PLCD4: variants seen among roughly 807,000 people sequenced by gnomAD.
PLCD4 encodes 1-phosphatidylinositol 4,5-bisphosphate phosphodiesterase delta-4.
In PLCD4, 63 loss-of-function variants were observed where a neutral mutation model predicts 90.2. That is an observed-to-expected ratio of 0.70 (90% confidence interval 0.57 to 0.86). PLCD4 has a LOEUF of 0.86. PLCD4 is among the 40% of genes least tolerant of loss of function. The pLI, the probability that PLCD4 is intolerant of heterozygous loss-of-function variation, is 0.00. For missense variants in PLCD4, 830 were observed against 956.3 expected (o/e 0.87, Z 1.74); for synonymous variants, 294 against 356.5 (o/e 0.82, Z 1.97).
Position 218,635,776 on chromosome 2 carries a change from T to G in PLCD4, c.1897-20T>G. Reference sequence around the variant, plus strand: ...CTGGGCTGAGCAGGAACTTGTGAGATTCCAGAGCCCTGACTACAGGTGATC... The same window carrying G: ...CTGGGCTGAGCAGGAACTTGTGAGAGTCCAGAGCCCTGACTACAGGTGATC... On this transcript the variant is annotated intron_variant, in intron 13 of 15. Transcript: ENST00000450993. 6.2e-7 allele frequency: 1 copy of G among 1,607,856 alleles called. No homozygotes were observed. Among genetic ancestry groups the G allele is most frequent in the Non-Finnish European group, 8.5e-7 (1 of 1,177,178 alleles).
At chr2:218,615,098 C>T (rs1362290505) in intron 1 of PLCD4, among the ~76,000 whole-genome samples, 1 of 152,018 alleles carries the variant, frequency 6.6e-6, no homozygotes, top group Non-Finnish European at 1.5e-5. Context: ...TGTGGTGGCA[C>T]ATGCCTGTAG....
chr2:218,631,791 CAAAA>C (rs34357387), intron 9 of PLCD4, among the ~76,000 whole-genome samples: 1 of 68,832 alleles, frequency 1.5e-5, no homozygotes. Context: ...GACTCCGTCT[CAAAA>C]AAAAAAAAAA....
chr2:218,632,834 C>A (rs1696457976), intron 10 of PLCD4, among the ~76,000 whole-genome samples: 1 of 152,072 alleles, frequency 6.6e-6, no homozygotes, highest in Admixed American at 6.5e-5. Flanking sequence ...GCCAGAGGAG[C>A]AGGAAGGAGA....
At chr2:218,612,726 GGTGCCATT>G (rs1413990729) in intron 1 of PLCD4, among the ~76,000 whole-genome samples, 2 of 151,978 alleles carry the variant, frequency 1.3e-5, no homozygotes, top group Non-Finnish European at 2.9e-5. Context: ...GAGCTGAGAT[GGTGCCATT>G]GCACTCCAGC....
intron 6 of PLCD4, among the ~76,000 whole-genome samples, chr2:218,626,947 T>G (rs1415102251): frequency 1.3e-5 from 2 of 152,176 alleles, no homozygotes; most frequent in Non-Finnish European, 2.9e-5. Context: ...GAGCTCCATT[T>G]GGCTATTTAA....
Position 218,636,513 on chromosome 2 carries a change from T to C in PLCD4, c.2225T>C (p.Leu742Pro). The change falls in exon 16 of 16, where the codon CTC becomes CCC. Residue 742 changes from leucine to proline, a missense_variant. Transcript: ENST00000450993. ...CTGCTGTCCAAAGATGGCATCAGCC[T>C]CCGCCCAGCTTCCATCTTTGTGTAT... Reference protein sequence around the residue: ...IHLLSKDGISLRPASIFVYIC... With the variant: ...IHLLSKDGISPRPASIFVYIC... The C allele has an allele frequency of 6.2e-7, 1 of 1,613,980 alleles. No individual in the cohort carries two copies. The highest frequency in any genetic ancestry group is 1.1e-5 in the South Asian group (1 of 91,074).
intron 7 of PLCD4, chr2:218,628,913 A>G (rs1454910381): frequency 6.5e-6 from 1 of 154,034 alleles, no homozygotes. Context: ...GATGTTGTAT[A>G]GGGATATAAA....
chr2:218,634,409 G>A lies in PLCD4; in HGVS notation c.1724-49G>A. Reference sequence around the variant, plus strand: ...TCTTAACTCCCTGAAAGAGGGGCTGGAAGGCCTCCATGGTGAATCTTGCTC... The same window carrying A: ...TCTTAACTCCCTGAAAGAGGGGCTGAAAGGCCTCCATGGTGAATCTTGCTC... On this transcript the variant is annotated intron_variant, in intron 12 of 15. Transcript: ENST00000450993. This position sits in a 1 kb window ranked among gnomAD's most constrained non-coding sequence, Gnocchi z 4.0. 6.3e-7 allele frequency: 1 copy of A among 1,589,754 alleles called. No homozygotes were observed. The highest frequency in any genetic ancestry group is 8.6e-7 in the Non-Finnish European group (1 of 1,167,270).
intron 7 of PLCD4, 175 bp from the exon 8 acceptor site, chr2:218,629,344 G>A (rs1221065686): frequency 8.8e-6 from 6 of 677,966 alleles, no homozygotes; most frequent in East Asian, 5.5e-5. Context: ...AGAGATCAGC[G>A]TGAGCTTGCA....
chr2:218,616,223 T>C (rs554904775), intron 3 of PLCD4, among the ~76,000 whole-genome samples, 161 bp downstream of exon 3: 9 of 152,232 alleles, frequency 5.9e-5, no homozygotes, highest in Admixed American at 1.3e-4. Context: ...ACTTGCCTCA[T>C]AAGGCTGTTA....
At chr2:218,614,951 G>A (rs974370985) in intron 1 of PLCD4, among the ~76,000 whole-genome samples, 4 of 152,020 alleles carry the variant, frequency 2.6e-5, no homozygotes, top group African/African-American at 4.8e-5. Context: ...AAGTCTGGCC[G>A]GGTGCAGTGG....
Position 218,634,599 on chromosome 2 carries a change from G to A in PLCD4, c.1865G>A (p.Ser622Asn). The A allele has an allele frequency of 6.2e-7, 1 of 1,614,020 alleles. No individual in the cohort carries two copies. The highest frequency in any genetic ancestry group is 8.5e-7 in the Non-Finnish European group (1 of 1,179,892). ...QSSFHPEKPI[S>N]PFKAQTLLIQ... ...TCTTTCCACCCTGAGAAGCCCATCA[G>A]CCCTTTCAAAGCCCAGACTCTCTTA... is the stretch of plus-strand genomic sequence containing the variant. Residue 622 changes from serine to asparagine, a missense_variant, in exon 13 of 16, where the codon AGC (serine) becomes AAC (asparagine). Ser to Asn is a conservative substitution (Grantham distance 46). Transcript: ENST00000450993. This position sits in a 1 kb window ranked among gnomAD's most constrained non-coding sequence, Gnocchi z 4.0.
chr2:218,634,588 G>GA lies in PLCD4; in HGVS notation c.1856dup (p.Pro620AlafsTer61). ...ATATCCAGAGTTCTTTCCACCCTGAGAAGCCCATCAGCCCTTTCAAAGCCC... is the reference window on the plus strand; with the variant it reads ...ATATCCAGAGTTCTTTCCACCCTGAGAAAGCCCATCAGCCCTTTCAAAGCCC... On this transcript the variant is annotated frameshift_variant, in exon 13 of 16. Transcript: ENST00000450993. LOFTEE classifies it high-confidence loss of function. This position sits in a 1 kb window ranked among gnomAD's most constrained non-coding sequence, Gnocchi z 4.0. 1 of 1,614,062 alleles carries GA rather than the reference G, an allele frequency of 6.2e-7. No homozygotes were observed. The highest frequency in any genetic ancestry group is 8.5e-7 in the Non-Finnish European group (1 of 1,179,916).
intron 1 of PLCD4, among the ~76,000 whole-genome samples, chr2:218,608,722 ATAT>A (rs1695198260): frequency 6.6e-6 from 1 of 152,036 alleles, no homozygotes; most frequent in African/African-American, 2.4e-5. Context: ...AAAAATAAAT[ATAT>A]TATTGAGCCC....
chr2:218,635,675 T>C, intron 13 of PLCD4, 121 bp from the exon 14 acceptor site: 1 of 1,341,410 alleles, frequency 7.5e-7, no homozygotes, highest in Non-Finnish European at 1.0e-6. Flanking sequence ...TAGAAGAAAA[T>C]ATATTACCCA....
chr2:218,608,661 C>T (rs1002984001), intron 1 of PLCD4, among the ~76,000 whole-genome samples: 2 of 152,110 alleles, frequency 1.3e-5, no homozygotes, highest in Admixed American at 1.3e-4. Flanking sequence ...ATCTGTGATA[C>T]GAGAGAGTTT....
Position 218,626,976 on chromosome 2 carries a change from G to A in PLCD4, c.773-1053G>A, listed in dbSNP as rs191361642. On this transcript the variant is annotated intron_variant, in intron 6 of 15. Transcript: ENST00000450993. The stretch of plus-strand genomic sequence containing the variant: ...TATTTAAAATTAAATTAACTAGGTC[G>A]GGCACGGTGGCTCACGCCTGTAATC... 3.3e-5 allele frequency among the ~76,000 whole-genome samples: 5 copies of A among 152,226 alleles called. No homozygotes were observed. The East Asian group carries it at 7.7e-4, about 24-fold the overall frequency.
rs1400263304 is a variant in PLCD4, at chr2:218,617,066, G to A, written c.181+1004G>A. ...TGCAAGCTCCGCCTTCCGGGTTCAC[G>A]CCATTCTCTTGCCTCAGCCTTCTGA... On this transcript the variant is annotated intron_variant, in intron 3 of 15. Transcript: ENST00000450993. Among the ~76,000 whole-genome samples, 4 of 139,748 alleles carry A rather than the reference G, an allele frequency of 2.9e-5. No homozygotes were observed. In the South Asian group the frequency reaches 6.9e-4, roughly 24 times the overall value. The allele number at this position is 139,748 out of a possible 152,430, so 91.7% of individuals were successfully genotyped here. A position where few individuals can be genotyped will look rare whatever the true frequency, so the allele number is the denominator to read the frequency against.
intron 13 of PLCD4, among the ~76,000 whole-genome samples, chr2:218,635,071 T>A (rs1480267907): frequency 1.3e-5 from 2 of 152,008 alleles, no homozygotes; most frequent in African/African-American, 4.8e-5. Context: ...ACAAAAAATT[T>A]AAAAATTTTG....
Sources: gnomAD v4.1 joint callset for allele counts (sites outside exome capture counted in the v4.1 genomes callset) on GRCh38, gnomAD v4.1.1 for gene constraint, Gnocchi (gnomAD v3.1) non-coding constraint, MANE v1.5 for transcripts, NCBI Gene and HGNC (gene_info 2026-07-23, HGNC 2026-07-21) for gene names.